The following XRN1 variants were observed in gnomAD, a reference collection of about 807,000 sequenced individuals.
XRN1 encodes the protein strand-exchange protein 1 homolog.
In XRN1, 67 loss-of-function variants were observed where a neutral mutation model predicts 222.3. The observed-to-expected ratio is 0.30, with a 90% CI of 0.25 to 0.37. The LOEUF (loss-of-function observed/expected upper bound fraction) is 0.37, where lower values mean the gene tolerates loss of function less well. Among genes scored for constraint, XRN1 ranks in the 10% least tolerant of loss-of-function variants. XRN1 has a pLI of 1.00. For synonymous variants in XRN1, 643 were observed against 652.4 expected, an observed-to-expected ratio of 0.99 and a Z score of 0.22; for missense variants, 1,707 against 2,000.2, an observed-to-expected ratio of 0.85 and a Z score of 2.80.
At chr3:142,368,849 A>G (rs1200026909) in intron 27 of XRN1, among the ~76,000 whole-genome samples, 1 of 152,236 alleles carries the variant, frequency 6.6e-6, no homozygotes, top group Non-Finnish European at 1.5e-5. Context: ...TTAAATAATA[A>G]TTAATAAAAA....
At chr3:142,341,698 C>T (rs747669904) in intron 33 of XRN1, among the ~76,000 whole-genome samples, 1 of 151,964 alleles carries the variant, frequency 6.6e-6, no homozygotes, top group Non-Finnish European at 1.5e-5. Flanking sequence ...CCTATAAAGA[C>T]ACATGCAGAC....
At chr3:142,376,743 C>CTT in intron 23 of XRN1, 149 bp from the exon 24 acceptor site, 1 of 629,058 alleles carries the variant, frequency 1.6e-6, no homozygotes, top group South Asian at 2.4e-5. Context: ...TCCATTTCCC[C>CTT]TTTTTTTTGA....
chr3:142,312,668 A>G lies in XRN1; in HGVS notation c.4712T>C (p.Leu1571Ser). 1 of 1,613,954 alleles carries G rather than the reference A, an allele frequency of 6.2e-7. No individual in the cohort carries two copies. The highest frequency in any genetic ancestry group is 8.5e-7 in the Non-Finnish European group (1 of 1,179,828). Residue 1571 changes from leucine (L) to serine (S), a missense_variant, in exon 40 of 41, where the codon TTA (leucine) becomes TCA (serine). Physicochemically the swap from Leu to Ser is moderately radical, Grantham distance 145. Around this residue, in one of 2 missense-constraint regions of XRN1, gnomAD observed 473 missense variants for 482.0 expected, o/e 0.98. Transcript: ENST00000392981. ...PVPGKPFHHT[L>S]YSGTMPMAGG... Reference sequence around the variant, plus strand: ...AGCCATGGGCATGGTCCCAGAATATAAAGTATGATGGAAGGGCTTCCCAGG... The same window carrying G: ...AGCCATGGGCATGGTCCCAGAATATGAAGTATGATGGAAGGGCTTCCCAGG...
At chr3:142,414,539 A>G (rs1201165583) in intron 13 of XRN1, among the ~76,000 whole-genome samples, 1 of 150,570 alleles carries the variant, frequency 6.6e-6, no homozygotes, top group Non-Finnish European at 1.5e-5. Context: ...TCTGTTGCCC[A>G]GGCTGGAGTG....
intron 32 of XRN1, among the ~76,000 whole-genome samples, chr3:142,351,574 G>A (rs544550531): frequency 7.9e-5 from 12 of 152,076 alleles, no homozygotes; most frequent in Non-Finnish European, 1.5e-4. Context: ...TGTTCTAAAA[G>A]GAAGCAATTC....
intron 21 of XRN1, 90 bp downstream of exon 21, chr3:142,384,433 C>T (rs941705312): frequency 1.1e-5 from 11 of 1,009,982 alleles, no homozygotes; most frequent in Non-Finnish European, 1.5e-5. Context: ...CTGAATTAGT[C>T]TATTTATATT....
At chr3:142,331,230 T>C (rs1207336003) in intron 36 of XRN1, among the ~76,000 whole-genome samples, 7 of 152,226 alleles carry the variant, frequency 4.6e-5, no homozygotes, top group Admixed American at 3.3e-4. Context: ...TCTTCCTGGC[T>C]GCCTTTAGTA....
chr3:142,355,278 A>T, intron 32 of XRN1, 123 bp downstream of exon 32: 4 of 498,892 alleles, frequency 8.0e-6, no homozygotes, highest in East Asian at 3.6e-5. Context: ...AAAATTCATG[A>T]TCAAAATTGT....
At chr3:142,443,952 T>C (rs533821680) in intron 1 of XRN1, among the ~76,000 whole-genome samples, 125 of 152,362 alleles carry the variant, frequency 8.2e-4, no homozygotes, top group Non-Finnish European at 6.9e-4. Flanking sequence ...ATGCAGTTCA[T>C]TATGTCAAGT....
intron 25 of XRN1, among the ~76,000 whole-genome samples, chr3:142,373,563 A>C (rs937402661): frequency 1.3e-5 from 2 of 152,254 alleles, no homozygotes; most frequent in African/African-American, 4.8e-5. Flanking sequence ...AAAAAGCACC[A>C]GTAAAGGAAA....
At chr3:142,414,562 C>A (rs1445564267) in intron 13 of XRN1, among the ~76,000 whole-genome samples, 2 of 151,248 alleles carry the variant, frequency 1.3e-5, no homozygotes, top group African/African-American at 4.9e-5. Context: ...GTGGCGCGAT[C>A]CTGGCTCACT....
rs374946939 is a variant in XRN1 at position 142,412,650 on chromosome 3, T to C, written c.1607A>G (p.Asn536Ser). ...LPACYQHLMTNEDSPIIEYYP... is the reference protein window; with the variant it reads ...LPACYQHLMTSEDSPIIEYYP... ...ATATTCTATAATTGGTGAGTCTTCA[T>C]TGGTCATCAAATGCTGTGAAAATAT... is the stretch of plus-strand genomic sequence containing the variant. The change falls in exon 15 of 41, where the codon AAT becomes AGT. Residue 536 changes from asparagine to serine, a missense_variant. By Grantham distance (46) the Asn-to-Ser change is conservative (BLOSUM62 1). Coordinates refer to ENST00000392981, the MANE Select transcript of XRN1 (RefSeq NM_001282857.2). 8.8e-6 allele frequency: 14 copies of C among 1,589,752 alleles called. No individual in the cohort carries two copies. The highest frequency in any genetic ancestry group is 8.4e-5 in the Admixed American group (5 of 59,610).
chr3:142,312,676 A>G lies in XRN1; in HGVS notation c.4704T>C (p.His1568=), dbSNP rs755327636. 3.7e-6 allele frequency: 6 copies of G among 1,613,834 alleles called. No individual in the cohort carries two copies. The South Asian group carries it at 4.4e-5, about 12-fold the overall frequency. ...GCATGGTCCCAGAATATAAAGTATG[A>G]TGGAAGGGCTTCCCAGGAACTGGCA... ...PSVPVPGKPF[H]HTLYSGTMPM... Residue 1568 remains histidine, a synonymous_variant, in exon 40 of 41, where the codon CAT becomes CAC. Coordinates refer to ENST00000392981, the MANE Select transcript of XRN1 (RefSeq NM_001282857.2).
chr3:142,424,927 A>G (rs1185718662), intron 5 of XRN1, among the ~76,000 whole-genome samples: 1 of 152,212 alleles, frequency 6.6e-6, no homozygotes, highest in Non-Finnish European at 1.5e-5. Context: ...TTAAAAGCCA[A>G]GTATTAAGCC....
In XRN1 at chr3:142,308,619, AATT is replaced by A. The variant is rs1484697818; in HGVS notation, c.*2889_*2891del. 2.0e-5 allele frequency: 3 copies of A among 152,202 alleles called. No homozygotes were observed. Among genetic ancestry groups the A allele is most frequent in the Non-Finnish European group, 4.4e-5 (3 of 68,028 alleles). 9.4% of individuals were successfully genotyped at this position (152,202 alleles called of 1,614,324 possible). A position where few individuals can be genotyped will look rare whatever the true frequency, so the allele number is the denominator to read the frequency against. ...TACATTCAAATTCTAACGCTGAGGTAATTATTAGGTAATGCAGGAAAATGTGAA... is the reference window on the plus strand; with the variant it reads ...TACATTCAAATTCTAACGCTGAGGTAATTAGGTAATGCAGGAAAATGTGAA... On this transcript the variant is annotated 3_prime_UTR_variant, in exon 41 of 41. Transcript: ENST00000392981.
chr3:142,421,771 T>C (rs2069045271), intron 8 of XRN1, among the ~76,000 whole-genome samples: 1 of 152,212 alleles, frequency 6.6e-6, no homozygotes, highest in Admixed American at 6.5e-5. Context: ...AGGTTCCACA[T>C]AATAATCCAA....
At chr3:142,327,452 T>G (rs2107899908) in intron 37 of XRN1, among the ~76,000 whole-genome samples, 1 of 152,228 alleles carries the variant, frequency 6.6e-6, no homozygotes, top group Non-Finnish European at 1.5e-5. Context: ...ATGACTCCTT[T>G]TTCATCTCTG....
chr3:142,390,000 A>T (rs1443834918), intron 20 of XRN1, among the ~76,000 whole-genome samples: 1 of 152,236 alleles, frequency 6.6e-6, no homozygotes, highest in Non-Finnish European at 1.5e-5. Flanking sequence ...GTCAATGAAC[A>T]GTAATATTTG....
intron 25 of XRN1, among the ~76,000 whole-genome samples, chr3:142,375,541 GA>G (rs931821803): frequency 1.3e-5 from 2 of 152,140 alleles, no homozygotes; most frequent in African/African-American, 4.8e-5. Context: ...AACAATGTAT[GA>G]TAGTAAGTTA....
Sources: allele counts gnomAD v4.1 joint callset (sites outside exome capture counted in the v4.1 genomes callset), GRCh38; gene constraint gnomAD v4.1.1; regional missense constraint gnomAD v4.1.1; transcripts MANE v1.5; gene names NCBI Gene and HGNC (gene_info 2026-07-23, HGNC 2026-07-21).